RASGRF2: variants seen among roughly 807,000 people sequenced by gnomAD.
The protein encoded by RASGRF2 is Ras protein specific guanine nucleotide releasing factor 2, also known as ras-specific guanine nucleotide-releasing factor 2.
A neutral mutation model predicts 151.0 loss-of-function variants in RASGRF2; 76 were observed. The ratio of observed to expected loss-of-function variants is 0.50; its 90% CI spans 0.42 to 0.61. The LOEUF (loss-of-function observed/expected upper bound fraction) is 0.61. Among genes scored for constraint, RASGRF2 ranks in the 20% least tolerant of loss-of-function variants. RASGRF2 has a pLI of 0.00. For missense variants in RASGRF2, 1,148 were observed against 1,564.6 expected, an observed-to-expected ratio of 0.73 and a Z score of 4.49; for synonymous variants, 504 against 566.5, an observed-to-expected ratio of 0.89 and a Z score of 1.57.
At chr5:81,000,939 G>A (rs1030407892) in intron 1 of RASGRF2, among the ~76,000 whole-genome samples, 2 of 152,208 alleles carry the variant, frequency 1.3e-5, no homozygotes, top group Non-Finnish European at 2.9e-5. Context: ...AATCTATTAG[G>A]AGGATGATGA....
At chr5:81,033,144 A>C (rs1054877166) in intron 1 of RASGRF2, among the ~76,000 whole-genome samples, 4 of 150,734 alleles carry the variant, frequency 2.7e-5, no homozygotes, top group Non-Finnish European at 4.4e-5. Context: ...AACGAAATAA[A>C]AGAGGACACA....
chr5:81,185,596 G>A (rs2112684580), intron 18 of RASGRF2, among the ~76,000 whole-genome samples: 1 of 152,208 alleles, frequency 6.6e-6, no homozygotes, highest in South Asian at 2.1e-4. Context: ...GCCCCACACA[G>A]GAAAAGCTGG....
At chr5:81,197,487 A>AAAAG (rs397998371) in intron 18 of RASGRF2, among the ~76,000 whole-genome samples, 1 of 148,368 alleles carries the variant, frequency 6.7e-6, no homozygotes, top group Non-Finnish European at 1.5e-5. Flanking sequence ...AAAAAAAAAA[A>AAAAG]GTAAAATATT....
At chr5:81,161,912 T>G in intron 17 of RASGRF2, among the ~76,000 whole-genome samples, 1 of 152,054 alleles carries the variant, frequency 6.6e-6, no homozygotes, top group Non-Finnish European at 1.5e-5. Context: ...TCAGACCGTT[T>G]TTTTTTTTTC....
In RASGRF2 at chr5:81,229,234, A is replaced by G. The variant is rs555030329; in HGVS notation, c.*3464A>G. The G allele has an allele frequency of 3.3e-5, 5 of 152,352 alleles. 1 individual carries two copies. The highest frequency in any genetic ancestry group is 1.2e-4 in the African/African-American group (5 of 41,572). The allele number at this position is 152,352 out of a possible 1,614,324, so 9.4% of individuals were successfully genotyped here. On this transcript the variant is annotated 3_prime_UTR_variant, in exon 27 of 27. Coordinates refer to ENST00000265080, the MANE Select transcript of RASGRF2 (RefSeq NM_006909.3). ...AAGTATAAAGGTTTTTAAAAATCCA[A>G]TTGCAAAATGTATTATTTTTACAAC...
At chr5:81,091,867 G>C (rs958997965) in intron 9 of RASGRF2, among the ~76,000 whole-genome samples, 1 of 152,114 alleles carries the variant, frequency 6.6e-6, no homozygotes, top group Non-Finnish European at 1.5e-5. Flanking sequence ...ATTCTTCTGA[G>C]GGTAATATGA....
In RASGRF2 at chr5:81,054,640, T is replaced by C. The variant is rs1174187324; in HGVS notation, c.395+11657T>C. On this transcript the variant is annotated intron_variant, in intron 2 of 26. Transcript: ENST00000265080. ...TTTTGCTTCCATATGAACTTGAAAG[T>C]AGTTTTTTCCAATTCTGTGAAGAAA... is the stretch of plus-strand genomic sequence containing the variant. Among the ~76,000 whole-genome samples, 4 of 105,934 alleles carry C rather than the reference T, an allele frequency of 3.8e-5. 1 individual carries two copies. Among genetic ancestry groups the C allele is most frequent in the Non-Finnish European group, 7.6e-5 (4 of 52,892 alleles). The allele number at this position is 105,934 out of a possible 152,430, so 69.5% of individuals were successfully genotyped here. A position where few individuals can be genotyped will look rare whatever the true frequency, so the allele number is the denominator to read the frequency against.
At chr5:80,973,824 G>T (rs1001249349) in intron 1 of RASGRF2, among the ~76,000 whole-genome samples, 1 of 152,218 alleles carries the variant, frequency 6.6e-6, no homozygotes, top group Middle Eastern at 3.2e-3. Flanking sequence ...GAGGAGATGA[G>T]GGAGAGAGGG....
At chr5:81,113,373 T>G (rs993385616) in intron 14 of RASGRF2, 165 bp from the exon 15 acceptor site, 1 of 787,836 alleles carries the variant, frequency 1.3e-6, no homozygotes, top group African/African-American at 1.7e-5. Context: ...TGTGCTTCTT[T>G]GGCAGGTGGA....
intron 1 of RASGRF2, among the ~76,000 whole-genome samples, chr5:81,037,236 A>T (rs755698897): frequency 6.6e-5 from 10 of 152,216 alleles, no homozygotes; most frequent in Non-Finnish European, 1.2e-4. Context: ...TTGGGTGGGG[A>T]CACAGCCAAA....
chr5:81,011,229 A>AT lies in RASGRF2; in HGVS notation c.289-31639dup, dbSNP rs1242758916. ...TTCTGTATTTTTTCTCTAGCTTACT[A>AT]TTTTTTTTTATTGCCTGTCCTATTT... On this transcript the variant is annotated intron_variant, in intron 1 of 26. Coordinates refer to ENST00000265080, the MANE Select transcript of RASGRF2 (RefSeq NM_006909.3). 5.2e-5 allele frequency among the ~76,000 whole-genome samples: 6 copies of AT among 116,288 alleles called. No individual in the cohort carries two copies. In the South Asian group the frequency reaches 1.4e-3, roughly 26 times the overall value. 76.3% of individuals were successfully genotyped at this position (116,288 alleles called of 152,430 possible).
At chr5:81,137,507 T>C (rs2112592776) in intron 17 of RASGRF2, among the ~76,000 whole-genome samples, 1 of 152,344 alleles carries the variant, frequency 6.6e-6, no homozygotes, top group South Asian at 2.1e-4. Context: ...TGGGCTGCAC[T>C]GTGTCCCCAC....
Position 81,043,020 on chromosome 5 carries a change from C to T in RASGRF2, c.395+37C>T, listed in dbSNP as rs1354638293. The T allele has an allele frequency of 2.7e-6, 4 of 1,500,314 alleles. No individual in the cohort carries two copies. In the African/African-American group the frequency reaches 4.1e-5, roughly 15 times the overall value. 92.9% of individuals were successfully genotyped at this position (1,500,314 alleles called of 1,614,324 possible). ...GTCTTCCTGTGTAGTACTTGATTGT[C>T]TGGGTCCTGCATTGGGGTTATCACT... On this transcript the variant is annotated intron_variant, in intron 2 of 26. Coordinates refer to ENST00000265080, the MANE Select transcript of RASGRF2 (RefSeq NM_006909.3).
chr5:81,201,430 C>T lies in RASGRF2; in HGVS notation c.2894C>T (p.Ala965Val), dbSNP rs779959117. The T allele has an allele frequency of 2.4e-5, 38 of 1,613,470 alleles. No individual in the cohort carries two copies. The highest frequency in any genetic ancestry group is 1.3e-4 in the East Asian group (6 of 44,892). ...DLLPQERKAA[A>V]NILRALSQDD... ...CTTCCCCAAGAAAGGAAAGCCGCCGCGAATATCCTCAGGTGAAGGCAGCTG... is the reference window on the plus strand; with the variant it reads ...CTTCCCCAAGAAAGGAAAGCCGCCGTGAATATCCTCAGGTGAAGGCAGCTG... The change falls in exon 19 of 27, where the codon GCG becomes GTG. Residue 965 changes from alanine (A) to valine (V), a missense_variant. Ala to Val is a moderately conservative substitution (Grantham distance 64, BLOSUM62 0). Around this residue, in one of 5 missense-constraint regions of RASGRF2, gnomAD observed 646 missense variants for 807.4 expected, o/e 0.80. Transcript: ENST00000265080.
chr5:81,074,701 CA>C (rs1403000286), intron 5 of RASGRF2, among the ~76,000 whole-genome samples: 1 of 152,156 alleles, frequency 6.6e-6, no homozygotes, highest in African/African-American at 2.4e-5. Flanking sequence ...AAAATCACGA[CA>C]TGGTATTACA....
intron 17 of RASGRF2, among the ~76,000 whole-genome samples, chr5:81,141,338 C>G (rs1252234435): frequency 6.6e-6 from 1 of 152,202 alleles, no homozygotes; most frequent in Non-Finnish European, 1.5e-5. Context: ...CATTTGCTTT[C>G]AGAGGGTAAT....
At chr5:81,209,684 C>T (rs564205476) in intron 22 of RASGRF2, among the ~76,000 whole-genome samples, 13 of 152,170 alleles carry the variant, frequency 8.5e-5, no homozygotes, top group Non-Finnish European at 1.8e-4. Flanking sequence ...AAGCAAACCT[C>T]TGTTACCTGT....
At chr5:81,013,271 AG>A (rs1414883031) in intron 1 of RASGRF2, among the ~76,000 whole-genome samples, 1 of 152,176 alleles carries the variant, frequency 6.6e-6, no homozygotes, top group African/African-American at 2.4e-5. Context: ...TTCACAATTC[AG>A]GGTCCAGCCA....
chr5:81,004,194 C>G (rs941817391), intron 1 of RASGRF2, among the ~76,000 whole-genome samples: 2 of 152,182 alleles, frequency 1.3e-5, no homozygotes, highest in African/African-American at 4.8e-5. Context: ...GGATTTGAGG[C>G]CTGTAGTCAG....
Sources: allele counts gnomAD v4.1 joint callset (sites outside exome capture counted in the v4.1 genomes callset), GRCh38; gene constraint gnomAD v4.1.1; regional missense constraint gnomAD v4.1.1; transcripts MANE v1.5; gene names NCBI Gene and HGNC (gene_info 2026-07-23, HGNC 2026-07-21).